EHD2: variants seen among roughly 807,000 people sequenced by gnomAD.
EHD2 encodes the protein EH domain containing 2.
A neutral mutation model predicts 41.0 loss-of-function variants in EHD2; 27 were observed. The ratio of observed to expected loss-of-function variants is 0.66; its 90% CI spans 0.49 to 0.91. EHD2 has a LOEUF of 0.91. Among genes scored for constraint, EHD2 ranks in the 40% least tolerant of loss-of-function variants. The pLI, the probability that EHD2 is intolerant of heterozygous loss-of-function variation, is 0.00. For missense variants in EHD2, 673 were observed against 773.9 expected (o/e 0.87, Z 1.55); for synonymous variants, 342 against 341.0 (o/e 1.00, Z -0.03).
chr19:47,735,946 C>T (rs1037682216), intron 4 of EHD2, among the ~76,000 whole-genome samples: 3 of 151,584 alleles, frequency 2.0e-5, no homozygotes, highest in African/African-American at 7.3e-5. Context: ...ACCTGTAATC[C>T]CAGCACTTTG....
chr19:47,718,273 C>CAAAAA (rs58873230), intron 2 of EHD2, among the ~76,000 whole-genome samples: 3 of 91,924 alleles, frequency 3.3e-5, no homozygotes, highest in Admixed American at 1.3e-4. Flanking sequence ...AACTCTGTCT[C>CAAAAA]AAAAAAAAAA....
intron 4 of EHD2, among the ~76,000 whole-genome samples, chr19:47,734,096 G>A (rs1966897697): frequency 6.6e-6 from 1 of 152,176 alleles, no homozygotes; most frequent in African/African-American, 2.4e-5. Context: ...AGACCTGTCG[G>A]GCCACCTTGG....
At position 47,716,866 on chromosome 19, in the gene EHD2, GC is replaced by G; in HGVS notation, c.255del (p.Ser86ProfsTer80). The G allele has an allele frequency of 1.9e-6, 3 of 1,611,514 alleles. No homozygotes were observed. The highest frequency in any genetic ancestry group is 2.5e-6 in the Non-Finnish European group (3 of 1,178,904). On this transcript the variant is annotated frameshift_variant, in exon 2 of 6. Coordinates refer to ENST00000263277, the MANE Select transcript of EHD2 (RefSeq NM_014601.4). LOFTEE classifies it high-confidence loss of function. ...TACCTGCTGGAGCAGGAGGTGCCCG[GC>G]TCCCGCGTGGGGCCTGAGCCCACCA... Reference protein sequence around the residue: ...IQYLLEQEVPGSRVGPEPTTD... With the variant: ...IQYLLEQEVPXSRVGPEPTTD...
In EHD2 at chr19:47,716,964, C is replaced by G; in HGVS notation, c.352C>G (p.Pro118Ala). 6.2e-7 allele frequency: 1 copy of G among 1,605,158 alleles called. No homozygotes were observed. Among genetic ancestry groups the G allele is most frequent in the East Asian group, 2.2e-5 (1 of 44,876 alleles). The change falls in exon 2 of 6, where the codon CCG (proline) becomes GCG (alanine). Residue 118 changes from proline (P) to alanine (A), a missense_variant. By Grantham distance (27) the Pro-to-Ala change is conservative. Transcript: ENST00000263277. ...GCCCGGCAACGCCCTCGTCGTGGAC[C>G]CGGACAAGCCCTTCCGCAAACTCAA... Reference protein sequence around the residue: ...TVPGNALVVDPDKPFRKLNPF... With the variant: ...TVPGNALVVDADKPFRKLNPF...
chr19:47,737,321 T>C (rs1966935412), intron 5 of EHD2, among the ~76,000 whole-genome samples: 1 of 151,940 alleles, frequency 6.6e-6, no homozygotes. Context: ...TTCATTTATT[T>C]ATTTGAGACT....
intron 4 of EHD2, chr19:47,732,338 C>CT (rs1966882370): frequency 6.6e-6 from 1 of 152,084 alleles, no homozygotes; most frequent in African/African-American, 2.4e-5. Context: ...AGGCTGGTCT[C>CT]TAACTCCTGA....
chr19:47,731,303 C>CATATATATATATAT lies in EHD2; in HGVS notation c.916-5055_916-5054insTATATATATATATA, dbSNP rs1169433614. ...AAATATATATATATATATATATATA[C>CATATATATATATAT]ATATATATATAATTTTTTTTTTTTT... On this transcript the variant is annotated intron_variant, in intron 4 of 5. Coordinates refer to ENST00000263277, the MANE Select transcript of EHD2 (RefSeq NM_014601.4). 26 of 58,444 alleles carry CATATATATATATAT rather than the reference C, an allele frequency of 4.4e-4. 3 individuals carry two copies. The East Asian group carries it at 5.7e-3, about 13-fold the overall frequency. The allele number at this position is 58,444 out of a possible 1,614,324, so 3.6% of individuals were successfully genotyped here. A position where few individuals can be genotyped will look rare whatever the true frequency, so the allele number is the denominator to read the frequency against.
chr19:47,741,092 T>G lies in EHD2; in HGVS notation c.1292T>G (p.Met431Arg), dbSNP rs1599906368. 1.9e-6 allele frequency: 3 copies of G among 1,610,180 alleles called. No homozygotes were observed. Among genetic ancestry groups the G allele is most frequent in the Non-Finnish European group, 2.5e-6 (3 of 1,179,762 alleles). The change falls in exon 6 of 6, where the codon ATG (methionine) becomes AGG (arginine). Residue 431 changes from methionine to arginine, a missense_variant. Met to Arg is a moderately conservative substitution (Grantham distance 91). Transcript: ENST00000263277. The surrounding 1 kb of genome is among the most constrained non-coding windows in gnomAD (Gnocchi z 4.5). Reference protein sequence around the residue: ...PFVERGPDEAMEDGEEGSDDE... With the variant: ...PFVERGPDEAREDGEEGSDDE... ...GTGGAGCGGGGACCTGACGAGGCCA[T>G]GGAGGACGGCGAGGAGGGCTCGGAC...
chr19:47,734,823 C>T (rs1038422615), intron 4 of EHD2, among the ~76,000 whole-genome samples: 3 of 152,142 alleles, frequency 2.0e-5, no homozygotes, highest in East Asian at 1.9e-4. Flanking sequence ...GAGGCCGAGG[C>T]GGGTGGATCT....
At position 47,741,788 on chromosome 19, in the gene EHD2, A is replaced by C; in HGVS notation, c.*356A>C. 1.9e-6 allele frequency: 1 copy of C among 517,538 alleles called. No individual in the cohort carries two copies. Among genetic ancestry groups the C allele is most frequent in the Non-Finnish European group, 3.7e-6 (1 of 267,542 alleles). The allele number at this position is 517,538 out of a possible 1,614,324, so 32.1% of individuals were successfully genotyped here. ...ACTGGGCATTACCATAGAGAACAAAATAGACAAATACATCTGCCCTCATGG... is the reference window on the plus strand; with the variant it reads ...ACTGGGCATTACCATAGAGAACAAACTAGACAAATACATCTGCCCTCATGG... On this transcript the variant is annotated 3_prime_UTR_variant, in exon 6 of 6. Transcript: ENST00000263277. The surrounding 1 kb of genome is among the most constrained non-coding windows in gnomAD (Gnocchi z 4.5).
chr19:47,739,597 C>CAAA (rs869157023), intron 5 of EHD2, among the ~76,000 whole-genome samples: 1,030 of 60,700 alleles, frequency 0.017, 14 homozygotes, highest in Non-Finnish European at 0.03. Context: ...CGAAACTCGT[C>CAAA]AAAAAAAAAA....
At chr19:47,717,931 A>T (rs2123634882) in intron 2 of EHD2, among the ~76,000 whole-genome samples, 1 of 141,494 alleles carries the variant, frequency 7.1e-6, no homozygotes, top group African/African-American at 2.6e-5. Context: ...AAAAAAAGGG[A>T]TCAGGATCAC....
rs1460262706 is a variant in EHD2 at position 47,719,945 on chromosome 19, T to C, written c.502+1339T>C. ...GAGAGTGTCCAGCTGTTGGTGTGTA[T>C]ATGTGTGTGTGTGTGTGTGTGTGTG... is the stretch of plus-strand genomic sequence containing the variant. On this transcript the variant is annotated intron_variant, in intron 3 of 5. Transcript: ENST00000263277. This position sits in a 1 kb window ranked among gnomAD's most constrained non-coding sequence, Gnocchi z 4.1. 1.3e-5 allele frequency among the ~76,000 whole-genome samples: 1 copy of C among 74,564 alleles called. No individual in the cohort carries two copies. The highest frequency in any genetic ancestry group is 2.9e-5 in the Non-Finnish European group (1 of 34,902). The allele number at this position is 74,564 out of a possible 152,430, so 48.9% of individuals were successfully genotyped here. A position where few individuals can be genotyped will look rare whatever the true frequency, so the allele number is the denominator to read the frequency against.
intron 5 of EHD2, among the ~76,000 whole-genome samples, chr19:47,739,252 C>T (rs1966958423): frequency 6.7e-6 from 1 of 149,652 alleles, no homozygotes; most frequent in South Asian, 2.1e-4. Flanking sequence ...AGGCGTGCAC[C>T]ACCACACCTG....
At position 47,741,041 on chromosome 19, in the gene EHD2, T is replaced by C. The variant is rs1284811553; in HGVS notation, c.1241T>C (p.Phe414Ser). The change falls in exon 6 of 6, where the codon TTT becomes TCT. Residue 414 changes from phenylalanine to serine, a missense_variant. Phe to Ser is a radical substitution (Grantham distance 155). Transcript: ENST00000263277. This position sits in a 1 kb window ranked among gnomAD's most constrained non-coding sequence, Gnocchi z 4.5. ...STEVGVQGGA[F>S]EGTHMGPFVE... ...GAGGTGGGCGTGCAGGGGGGCGCTT[T>C]TGAGGGCACCCACATGGGCCCGTTT... 1.2e-6 allele frequency: 2 copies of C among 1,609,586 alleles called. No homozygotes were observed. The highest frequency in any genetic ancestry group is 1.3e-5 in the African/African-American group (1 of 74,880).
At position 47,736,472 on chromosome 19, in the gene EHD2, C is replaced by G. The variant is rs761441836; in HGVS notation, c.1019C>G (p.Ala340Gly). The change falls in exon 5 of 6, where the codon GCG becomes GGG. Residue 340 changes from alanine (A) to glycine (G), a missense_variant. By Grantham distance (60) the Ala-to-Gly change is moderately conservative (BLOSUM62 0). Coordinates refer to ENST00000263277, the MANE Select transcript of EHD2 (RefSeq NM_014601.4). Reference sequence around the variant, plus strand: ...ATCCTCAAACTGCCCGTCATCTTTGCGAAGATTCAGCTGGAACATCACATC... The same window carrying G: ...ATCCTCAAACTGCCCGTCATCTTTGGGAAGATTCAGCTGGAACATCACATC... ...QLILKLPVIFAKIQLEHHISP... is the reference protein window; with the variant it reads ...QLILKLPVIFGKIQLEHHISP... 6.2e-7 allele frequency: 1 copy of G among 1,612,650 alleles called. No individual in the cohort carries two copies. Among genetic ancestry groups the G allele is most frequent in the Non-Finnish European group, 8.5e-7 (1 of 1,179,460 alleles).
intron 4 of EHD2, among the ~76,000 whole-genome samples, chr19:47,730,499 C>G (rs1000294815): frequency 1.3e-5 from 2 of 152,140 alleles, no homozygotes; most frequent in Non-Finnish European, 2.9e-5. Context: ...GTCGCACCCC[C>G]ACCCCTGCTC....
Position 47,719,934 on chromosome 19 carries a change from G to C in EHD2, c.502+1328G>C, listed in dbSNP as rs909926976. The stretch of plus-strand genomic sequence containing the variant: ...GAAGAGGAGGAGAGAGTGTCCAGCT[G>C]TTGGTGTGTATATGTGTGTGTGTGT... On this transcript the variant is annotated intron_variant, in intron 3 of 5. Coordinates refer to ENST00000263277, the MANE Select transcript of EHD2 (RefSeq NM_014601.4). The surrounding 1 kb of genome is among the most constrained non-coding windows in gnomAD (Gnocchi z 4.1). Among the ~76,000 whole-genome samples, 5 of 136,338 alleles carry C rather than the reference G, an allele frequency of 3.7e-5. No homozygotes were observed. The highest frequency in any genetic ancestry group is 7.8e-5 in the Non-Finnish European group (5 of 64,220). 89.4% of individuals were successfully genotyped at this position (136,338 alleles called of 152,430 possible).
Position 47,718,499 on chromosome 19 carries a change from CT to C in EHD2, c.405-9del, listed in dbSNP as rs1568587806. The C allele has an allele frequency of 2.6e-6, 4 of 1,568,554 alleles. No individual in the cohort carries two copies. The South Asian group carries it at 4.7e-5, about 18-fold the overall frequency. Reference sequence around the variant, plus strand: ...TCCCTGTTGACCCCTGACCCTCCCTCTGCCCCCAGGTTCATGTGTGCCCAGC... The same window carrying C: ...TCCCTGTTGACCCCTGACCCTCCCTCGCCCCCAGGTTCATGTGTGCCCAGC... On this transcript the variant is annotated splice_polypyrimidine_tract_variant and intron_variant, in intron 2 of 5. Transcript: ENST00000263277.
Sources: allele counts gnomAD v4.1 joint callset (sites outside exome capture counted in the v4.1 genomes callset), GRCh38; gene constraint gnomAD v4.1.1; non-coding constraint Gnocchi (gnomAD v3.1); transcripts MANE v1.5; gene names NCBI Gene and HGNC (gene_info 2026-07-23, HGNC 2026-07-21).